Variants in ACAD10 observed in about 807,000 individuals in gnomAD.
ACAD10 encodes the protein ACAD-10.
In ACAD10, 112 loss-of-function variants were observed where a neutral mutation model predicts 116.8. The observed-to-expected ratio is 0.96, with a 90% CI of 0.82 to 1.12. The LOEUF is 1.12. ACAD10 is among the 50% of genes most tolerant of loss of function. ACAD10 has a pLI of 0.00. For missense variants in ACAD10, 1,259 were observed against 1,350.2 expected (o/e 0.93, Z 1.06); for synonymous variants, 486 against 510.6 (o/e 0.95, Z 0.65).
At chr12:111,723,299 G>C (rs1222676432) in intron 8 of ACAD10, among the ~76,000 whole-genome samples, 2 of 138,862 alleles carry the variant, frequency 1.4e-5, no homozygotes, top group African/African-American at 2.7e-5. Context: ...TCCCAGACGG[G>C]GCGGCTGGCC....
At chr12:111,746,415 T>C (rs1889901467) in intron 14 of ACAD10, 131 bp downstream of exon 14, 2 of 1,010,222 alleles carry the variant, frequency 2.0e-6, no homozygotes, top group Non-Finnish European at 2.7e-6. Flanking sequence ...TGAGATGGAG[T>C]CTCGCTCTGT....
chr12:111,749,607 G>A, intron 18 of ACAD10: 1 of 509,658 alleles, frequency 2.0e-6, no homozygotes. Context: ...AGGTTCCAAG[G>A]TGTAAAGGTC....
intron 6 of ACAD10, among the ~76,000 whole-genome samples, chr12:111,713,260 G>A (rs1341198840): frequency 4.0e-5 from 6 of 151,456 alleles, no homozygotes; most frequent in Non-Finnish European, 8.8e-5. Flanking sequence ...GCAGTCAGCC[G>A]AGATCGTGCT....
chr12:111,713,950 G>T (rs531425903), intron 6 of ACAD10, among the ~76,000 whole-genome samples: 2 of 151,236 alleles, frequency 1.3e-5, no homozygotes, highest in Non-Finnish European at 3.0e-5. Flanking sequence ...AAAAAAAAAG[G>T]AAAAATAATG....
chr12:111,704,878 G>C (rs1354528926), intron 3 of ACAD10, among the ~76,000 whole-genome samples: 3 of 151,592 alleles, frequency 2.0e-5, no homozygotes, highest in South Asian at 4.2e-4. Context: ...TAGTAGATAA[G>C]GGGTTTCACC....
chr12:111,705,638 G>C, intron 3 of ACAD10, 100 bp from the exon 4 acceptor site: 1 of 1,097,920 alleles, frequency 9.1e-7, no homozygotes, highest in African/African-American at 1.6e-5. Flanking sequence ...GTAGCAGAGA[G>C]CAGAAGGACG....
chr12:111,726,165 A>G lies in ACAD10; in HGVS notation c.1062-1797A>G, dbSNP rs1248215046. 2.6e-5 allele frequency among the ~76,000 whole-genome samples: 4 copies of G among 152,046 alleles called. No individual in the cohort carries two copies. The East Asian group carries it at 7.8e-4, about 29-fold the overall frequency. On this transcript the variant is annotated intron_variant, in intron 8 of 20. Transcript: ENST00000313698. ...GCTACTTTGGAGGCTGAAGCAGGAG[A>G]ATCATTTGAACCTGAGAGGCAGAGT...
rs543811159 is a variant in ACAD10, at chr12:111,742,234, A to G, written c.1715-2409A>G. Reference sequence around the variant, plus strand: ...AGAGTGGGAGCCAACCAAATAGAAGAAAATTAAGAATACACCTCTTACTCT... The same window carrying G: ...AGAGTGGGAGCCAACCAAATAGAAGGAAATTAAGAATACACCTCTTACTCT... On this transcript the variant is annotated intron_variant, in intron 12 of 20. Transcript: ENST00000313698. Among the ~76,000 whole-genome samples the G allele has an allele frequency of 1.5e-4, 23 of 152,342 alleles. No homozygotes were observed. The East Asian group carries it at 4.4e-3, about 29-fold the overall frequency.
chr12:111,726,553 G>T (rs140271514), intron 8 of ACAD10, among the ~76,000 whole-genome samples: 1 of 152,050 alleles, frequency 6.6e-6, no homozygotes, highest in Non-Finnish European at 1.5e-5. Flanking sequence ...AAGTATGTAT[G>T]TTTTACAGAT....
At chr12:111,719,386 T>G (rs1888948841) in intron 7 of ACAD10, among the ~76,000 whole-genome samples, 1 of 151,958 alleles carries the variant, frequency 6.6e-6, no homozygotes. Context: ...CCTCAGTAGC[T>G]CGGACTACAG....
rs1401324815 is a variant in ACAD10 at position 111,702,326 on chromosome 12, A to G, written c.336+16A>G. On this transcript the variant is annotated intron_variant, in intron 3 of 20. Coordinates refer to ENST00000313698, the MANE Select transcript of ACAD10 (RefSeq NM_025247.6). ...CTCTGAAATGGTGAGTGGTAAACAT[A>G]CCTACATTTCCATATTTTTCTTTTT... 1.2e-6 allele frequency: 2 copies of G among 1,608,300 alleles called. No individual in the cohort carries two copies. The highest frequency in any genetic ancestry group is 2.2e-5 in the East Asian group (1 of 44,844).
At chr12:111,727,098 C>T (rs1244061671) in intron 8 of ACAD10, among the ~76,000 whole-genome samples, 1 of 151,250 alleles carries the variant, frequency 6.6e-6, no homozygotes, top group Admixed American at 6.6e-5. Flanking sequence ...TGGTGGCATG[C>T]ACCTGGAGTC....
intron 4 of ACAD10, 71 bp downstream of exon 4, chr12:111,706,003 C>A: frequency 6.6e-7 from 1 of 1,521,082 alleles, no homozygotes; most frequent in South Asian, 1.2e-5. Flanking sequence ...ATGTTAAATG[C>A]TATCTTCCAG....
intron 18 of ACAD10, among the ~76,000 whole-genome samples, chr12:111,751,425 A>G (rs1890068456): frequency 6.6e-6 from 1 of 152,218 alleles, no homozygotes. Context: ...CAATACGGCA[A>G]AACCTCATCT....
chr12:111,755,795 C>G (rs775690750), intron 20 of ACAD10, 50 bp downstream of exon 20: 30 of 1,558,712 alleles, frequency 1.9e-5, no homozygotes, highest in Non-Finnish European at 2.6e-5. Flanking sequence ...ATACTAGATG[C>G]CAAACTCTCC....
In ACAD10 at chr12:111,728,080, GTCCT is replaced by G; in HGVS notation, c.1181_1184del (p.Val394GlyfsTer49). 11 of 1,614,048 alleles carry G rather than the reference GTCCT, an allele frequency of 6.8e-6. No individual in the cohort carries two copies. The highest frequency in any genetic ancestry group is 9.3e-6 in the Non-Finnish European group (11 of 1,179,988). ...AGCCATATACACTGCCATGAACACA[GTCCT>G]GTGCAAAATTCACAGTGTGGATCTG... On this transcript the variant is annotated frameshift_variant, in exon 9 of 21. Coordinates refer to ENST00000313698, the MANE Select transcript of ACAD10 (RefSeq NM_025247.6). LOFTEE classifies it high-confidence loss of function.
intron 12 of ACAD10, among the ~76,000 whole-genome samples, chr12:111,739,267 G>A (rs1041297003): frequency 1.3e-5 from 2 of 152,032 alleles, no homozygotes; most frequent in Non-Finnish European, 2.9e-5. Flanking sequence ...ACTCTGCCCA[G>A]GTCTCCAGTG....
intron 6 of ACAD10, among the ~76,000 whole-genome samples, chr12:111,715,062 A>G (rs1888802748): frequency 6.6e-6 from 1 of 152,316 alleles, no homozygotes; most frequent in Middle Eastern, 3.4e-3. Context: ...TTGCTCCGTG[A>G]AAAAGGCTTT....
At chr12:111,703,905 T>TTATATA (rs145548072) in intron 3 of ACAD10, among the ~76,000 whole-genome samples, 157 of 145,526 alleles carry the variant, frequency 1.1e-3, no homozygotes, top group African/African-American at 3.8e-3. Context: ...TTTCCACAAT[T>TTATATA]TATATATATA....
Sources: gnomAD v4.1 joint callset for allele counts (sites outside exome capture counted in the v4.1 genomes callset) on GRCh38, gnomAD v4.1.1 for gene constraint, MANE v1.5 for transcripts, NCBI Gene and HGNC (gene_info 2026-07-23, HGNC 2026-07-21) for gene names.